ATP6V0A4: variants seen among roughly 807,000 people sequenced by gnomAD.
ATP6V0A4 encodes the protein ATPase H+ transporting V0 subunit a4, also known as V-type proton ATPase 116 kDa subunit a 4.
In ATP6V0A4, 86 loss-of-function variants were observed where a neutral mutation model predicts 107.3. That is an observed-to-expected ratio of 0.80 (90% confidence interval 0.67 to 0.96). ATP6V0A4 has a LOEUF of 0.96. ATP6V0A4 is among the 40% of genes least tolerant of loss of function. The pLI is 0.00. For missense variants in ATP6V0A4, 908 were observed against 1,045.6 expected, an observed-to-expected ratio of 0.87 and a Z score of 1.81; for synonymous variants, 353 against 381.4, an observed-to-expected ratio of 0.93 and a Z score of 0.87.
At chr7:138,727,523 A>C (rs910859522) in intron 18 of ATP6V0A4, among the ~76,000 whole-genome samples, 1 of 152,142 alleles carries the variant, frequency 6.6e-6, no homozygotes, top group East Asian at 1.9e-4. Context: ...ACGAGTTCGG[A>C]CTGGCATAAG....
intron 2 of ATP6V0A4, among the ~76,000 whole-genome samples, chr7:138,778,101 C>T (rs998430544): frequency 3.9e-5 from 6 of 152,072 alleles, no homozygotes; most frequent in African/African-American, 9.7e-5. Flanking sequence ...AGGCTGGGCA[C>T]GGTGGGTCAT....
At chr7:138,775,667 T>TC (rs1807625593) in intron 2 of ATP6V0A4, among the ~76,000 whole-genome samples, 1 of 81,910 alleles carries the variant, frequency 1.2e-5, no homozygotes, top group African/African-American at 5.4e-5. Context: ...TTTTTTTTTT[T>TC]TGAGACAGTC....
chr7:138,776,880 C>T (rs1165952660), intron 2 of ATP6V0A4, among the ~76,000 whole-genome samples: 1 of 152,194 alleles, frequency 6.6e-6, no homozygotes, highest in Non-Finnish European at 1.5e-5. Context: ...GACGCGGTGG[C>T]TCACGCCTGT....
At chr7:138,759,145 G>A (rs1806661919) in intron 8 of ATP6V0A4, among the ~76,000 whole-genome samples, 1 of 135,194 alleles carries the variant, frequency 7.4e-6, no homozygotes, top group Non-Finnish European at 1.5e-5. Context: ...CTGCAGCCTT[G>A]ACCTCCTGGG....
intron 21 of ATP6V0A4, 36 bp from the exon 22 acceptor site, chr7:138,706,753 G>T: frequency 6.2e-7 from 1 of 1,610,736 alleles, no homozygotes; most frequent in South Asian, 1.1e-5. Flanking sequence ...TAAGAAATGG[G>T]AGATTGAAAC....
chr7:138,766,219 T>TTTGA (rs201114419), intron 5 of ATP6V0A4, among the ~76,000 whole-genome samples: 4 of 100,412 alleles, frequency 4.0e-5, no homozygotes, highest in South Asian at 4.1e-4. Flanking sequence ...TTTTTTTTTT[T>TTTGA]GGAAACACAG....
In ATP6V0A4 at chr7:138,749,182, G is replaced by A. The variant is rs374678750; in HGVS notation, c.1165C>T (p.Arg389Trp). Residue 389 changes from arginine to tryptophan, a missense_variant, in exon 12 of 22, where the codon CGG becomes TGG. Transcript: ENST00000310018. ...IVDAYGVGSY[R>W]EINPAPYTII... The stretch of plus-strand genomic sequence containing the variant: ...AGATCTTTACCTGGGTTTATCTCCC[G>A]GTAGCTGCCGACACCATAGGCATCA... 2.6e-5 allele frequency: 42 copies of A among 1,614,006 alleles called. No homozygotes were observed. The highest frequency in any genetic ancestry group is 1.7e-4 in the Admixed American group (10 of 59,994).
chr7:138,710,221 C>T (rs296925), intron 20 of ATP6V0A4, among the ~76,000 whole-genome samples: 4 of 134,882 alleles, frequency 3.0e-5, no homozygotes, highest in Non-Finnish European at 4.7e-5. Flanking sequence ...GACAGAGTTT[C>T]GCTCTTGTCG....
At chr7:138,784,405 G>A (rs1005800842) in intron 2 of ATP6V0A4, among the ~76,000 whole-genome samples, 1 of 148,484 alleles carries the variant, frequency 6.7e-6, no homozygotes, top group Non-Finnish European at 1.5e-5. Context: ...TGCAAGCTCC[G>A]TCTCCTGGGT....
At chr7:138,794,717 C>G (rs1056479095) in intron 1 of ATP6V0A4, among the ~76,000 whole-genome samples, 3 of 151,712 alleles carry the variant, frequency 2.0e-5, no homozygotes, top group Admixed American at 2.0e-4. Context: ...TCCTGATATG[C>G]GCTCCAAAGT....
intron 1 of ATP6V0A4, among the ~76,000 whole-genome samples, chr7:138,797,263 G>T (rs1017728425): frequency 2.2e-5 from 3 of 135,852 alleles, no homozygotes; most frequent in African/African-American, 8.5e-5. Context: ...CGGCCAAGCT[G>T]GAATGCAGGG....
chr7:138,725,068 C>G (rs1804637998), intron 18 of ATP6V0A4, among the ~76,000 whole-genome samples: 2 of 152,108 alleles, frequency 1.3e-5, no homozygotes, highest in African/African-American at 4.8e-5. Flanking sequence ...CTCAGGAGTT[C>G]AAGACCAGCT....
At chr7:138,754,825 A>G (rs1179079174) in intron 10 of ATP6V0A4, among the ~76,000 whole-genome samples, 1 of 152,044 alleles carries the variant, frequency 6.6e-6, no homozygotes, top group Non-Finnish European at 1.5e-5. Context: ...ATGGGGTTTC[A>G]CCAGTTTGGT....
intron 14 of ATP6V0A4, among the ~76,000 whole-genome samples, chr7:138,743,102 T>C (rs1028427297): frequency 2.0e-5 from 3 of 152,146 alleles, no homozygotes; most frequent in African/African-American, 7.2e-5. Flanking sequence ...CTACAGTCTC[T>C]TGGAGCCTCT....
intron 5 of ATP6V0A4, among the ~76,000 whole-genome samples, chr7:138,766,153 C>A (rs1351460478): frequency 4.0e-5 from 6 of 151,884 alleles, no homozygotes; most frequent in Non-Finnish European, 2.9e-5. Flanking sequence ...TCTATTCCTA[C>A]AAATGTATGA....
chr7:138,773,107 G>A lies in ATP6V0A4; in HGVS notation c.-17-1843C>T, dbSNP rs1195658172. Among the ~76,000 whole-genome samples the A allele has an allele frequency of 2.0e-5, 3 of 152,266 alleles. No individual in the cohort carries two copies. The East Asian group carries it at 5.8e-4, about 29-fold the overall frequency. ...TAGATTTAATTTTATCACGTACAGA[G>A]TATCTACTGTGTGCTCGATACTGGG... On this transcript the variant is annotated intron_variant, in intron 2 of 21. Coordinates refer to ENST00000310018, the MANE Select transcript of ATP6V0A4 (RefSeq NM_020632.3). This position sits in a 1 kb window ranked among gnomAD's most constrained non-coding sequence, Gnocchi z 5.4.
chr7:138,709,900 G>T, intron 20 of ATP6V0A4, 105 bp from the exon 21 acceptor site: 1 of 1,293,454 alleles, frequency 7.7e-7, no homozygotes, highest in Non-Finnish European at 1.0e-6. Context: ...TTTAAATAGA[G>T]ACAGGGTCTC....
At chr7:138,788,465 T>G (rs1199786683) in intron 1 of ATP6V0A4, among the ~76,000 whole-genome samples, 3 of 152,212 alleles carry the variant, frequency 2.0e-5, no homozygotes, top group East Asian at 1.9e-4. Flanking sequence ...CTACCCGAGC[T>G]AACCCACAGA....
At chr7:138,787,733 C>T (rs138215720) in intron 1 of ATP6V0A4, among the ~76,000 whole-genome samples, 2 of 152,278 alleles carry the variant, frequency 1.3e-5, no homozygotes, top group East Asian at 3.9e-4. Flanking sequence ...AGCAGTGACT[C>T]ACACCTGTAA....
Sources: allele counts gnomAD v4.1 joint callset (sites outside exome capture counted in the v4.1 genomes callset), GRCh38; gene constraint gnomAD v4.1.1; non-coding constraint Gnocchi (gnomAD v3.1); transcripts MANE v1.5; gene names NCBI Gene and HGNC (gene_info 2026-07-23, HGNC 2026-07-21).